LRRC37A2: variants seen among roughly 807,000 people sequenced by gnomAD.
LRRC37A2 encodes the protein leucine rich repeat containing 37 member A2.
In LRRC37A2, 9 loss-of-function variants were observed where a neutral mutation model predicts 68.8. That is an observed-to-expected ratio of 0.13 (90% CI 0.08 to 0.23). The LOEUF is 0.23. LRRC37A2 is among the 10% of genes least tolerant of loss of function. The probability of loss-of-function intolerance (pLI) is 1.00; values close to 1 mark genes in which losing one functional copy is unlikely to be tolerated. For synonymous variants in LRRC37A2, 63 were observed against 367.6 expected, an observed-to-expected ratio of 0.17 and a Z score of 9.48; for missense variants, 168 against 950.4, an observed-to-expected ratio of 0.18 and a Z score of 10.82.
At chr17:47,000,101 T>TAAAATAAAAATAA in the LRRC37A2 span, among the ~76,000 whole-genome samples, 1 of 131,908 alleles carries the variant, frequency 7.6e-6, no homozygotes. Flanking sequence ...TAAAATAAAA[T>TAAAATAAAAATAA]AAAATAAAAT....
chr17:46,779,612 C>T, the LRRC37A2 span, among the ~76,000 whole-genome samples: 4 of 152,172 alleles, frequency 2.6e-5, no homozygotes, highest in Admixed American at 2.6e-4. Context: ...AGTGAAATAT[C>T]CCTCCACAAA....
the LRRC37A2 span, among the ~76,000 whole-genome samples, chr17:46,990,997 C>T: frequency 2.0e-5 from 3 of 152,132 alleles, no homozygotes; most frequent in Admixed American, 1.3e-4. Flanking sequence ...AGGTTCAGGC[C>T]CTTTGCTCCA....
chr17:46,610,003 T>C, the LRRC37A2 span, among the ~76,000 whole-genome samples: 1 of 114,356 alleles, frequency 8.7e-6, no homozygotes, highest in Non-Finnish European at 1.9e-5. Context: ...TTTTCTTTCT[T>C]TCTCTCTTTC....
the LRRC37A2 span, among the ~76,000 whole-genome samples, chr17:46,499,171 C>T: frequency 6.9e-6 from 1 of 144,104 alleles, no homozygotes; most frequent in Non-Finnish European, 1.5e-5. Context: ...AAAAATTAGC[C>T]GGGTGTGGTG....
chr17:46,869,512 C>T, the LRRC37A2 span, among the ~76,000 whole-genome samples: 3 of 152,192 alleles, frequency 2.0e-5, no homozygotes, highest in African/African-American at 7.2e-5. Flanking sequence ...AAAACGAAAA[C>T]AAAAATGAAC....
the LRRC37A2 span, among the ~76,000 whole-genome samples, chr17:46,750,970 A>G: frequency 3.3e-5 from 5 of 152,228 alleles, no homozygotes; most frequent in African/African-American, 1.2e-4. Context: ...AACTTTTAAT[A>G]TCAATATTCA....
the LRRC37A2 span, among the ~76,000 whole-genome samples, chr17:46,790,902 CA>C: frequency 6.6e-6 from 1 of 152,224 alleles, no homozygotes. Flanking sequence ...AGATGTGTTT[CA>C]AAAGAAACCT....
the LRRC37A2 span, among the ~76,000 whole-genome samples, chr17:46,980,031 G>GCGAT: frequency 1.3e-3 from 191 of 152,114 alleles, 4 homozygotes; most frequent in South Asian, 6.0e-3. Flanking sequence ...ACTTTCCCTA[G>GCGAT]CGATGGTCCT....
the LRRC37A2 span, among the ~76,000 whole-genome samples, chr17:46,499,335 AG>A: frequency 1.1e-5 from 1 of 89,110 alleles, no homozygotes; most frequent in African/African-American, 4.0e-5. Flanking sequence ...AAAAAAAAAA[AG>A]GTGGGGGGAC....
At chr17:46,795,882 A>T in the LRRC37A2 span, among the ~76,000 whole-genome samples, 195 of 151,752 alleles carry the variant, frequency 1.3e-3, no homozygotes, top group African/African-American at 4.1e-3. Flanking sequence ...TCTCTCTCTC[A>T]CACACACACA....
At chr17:46,844,391 A>G in the LRRC37A2 span, among the ~76,000 whole-genome samples, 1 of 140,388 alleles carries the variant, frequency 7.1e-6, no homozygotes, top group Non-Finnish European at 1.5e-5. Context: ...TCCTTTGTTT[A>G]AAGAAAAACA....
At chr17:46,872,906 G>GAAAT in the LRRC37A2 span, 1 of 1,116,596 alleles carries the variant, frequency 9.0e-7, no homozygotes, top group African/African-American at 1.6e-5. Flanking sequence ...GCCCTAGCAC[G>GAAAT]GTCCCAAATG....
the LRRC37A2 span, among the ~76,000 whole-genome samples, chr17:46,770,379 T>G: frequency 2.0e-5 from 3 of 152,226 alleles, no homozygotes; most frequent in African/African-American, 7.2e-5. Context: ...CAGCCACTTC[T>G]GTCCTGGTCC....
the LRRC37A2 span, chr17:46,934,943 T>C: frequency 1.6e-6 from 2 of 1,213,612 alleles, no homozygotes; most frequent in Non-Finnish European, 2.5e-6. Flanking sequence ...CTGTTCTGGC[T>C]TGGCCTTGGC....
At chr17:46,679,644 A>G in the LRRC37A2 span, among the ~76,000 whole-genome samples, 3 of 142,758 alleles carry the variant, frequency 2.1e-5, no homozygotes, top group East Asian at 6.1e-4. Flanking sequence ...GTGAGCCAAG[A>G]TCGTGCCACT....
the LRRC37A2 span, chr17:46,940,870 A>G: frequency 1.4e-6 from 2 of 1,415,936 alleles, no homozygotes; most frequent in Non-Finnish European, 9.2e-7. Context: ...TTGAGACTGC[A>G]TGTTGTCACA....
At chr17:46,713,154 G>A in the LRRC37A2 span, 2 of 152,210 alleles carry the variant, frequency 1.3e-5, no homozygotes, top group African/African-American at 2.4e-5. Context: ...TTGTTGTTAT[G>A]TATTAAACTG....
the LRRC37A2 span, among the ~76,000 whole-genome samples, chr17:46,985,490 AGC>A: frequency 6.6e-6 from 1 of 150,722 alleles, no homozygotes; most frequent in African/African-American, 2.4e-5. Flanking sequence ...ATTGCACTCC[AGC>A]CTGGGAGACA....
chr17:46,805,919 G>C, the LRRC37A2 span, among the ~76,000 whole-genome samples: 1 of 152,246 alleles, frequency 6.6e-6, no homozygotes, highest in African/African-American at 2.4e-5. Flanking sequence ...CTTGTTTAGA[G>C]CTCTGGGGTT....
Sources: allele counts gnomAD v4.1 joint callset (sites outside exome capture counted in the v4.1 genomes callset), GRCh38; gene constraint gnomAD v4.1.1; transcripts MANE v1.5; gene names NCBI Gene and HGNC (gene_info 2026-07-23, HGNC 2026-07-21).